EXOSC4: variants seen among roughly 807,000 people sequenced by gnomAD.
EXOSC4 encodes the protein exosome component 4, also known as exosome complex component RRP41.
EXOSC4 carries 14 observed loss-of-function variants against 20.0 expected under a neutral mutation model. The observed-to-expected ratio is 0.70, with a 90% CI of 0.46 to 1.09. EXOSC4 has a LOEUF of 1.09. Among genes scored for constraint, EXOSC4 ranks in the 50% least tolerant of loss-of-function variants. The probability of loss-of-function intolerance (pLI) is 0.00; values close to 1 mark genes in which losing one functional copy is unlikely to be tolerated. For missense variants in EXOSC4, 337 were observed against 334.0 expected, an observed-to-expected ratio of 1.01 and a Z score of -0.07; for synonymous variants, 148 against 146.4, an observed-to-expected ratio of 1.01 and a Z score of -0.08.
At chr8:144,075,580 C>G (rs1835829593), upstream of EXOSC4, among the ~76,000 whole-genome samples, 2 of 152,066 alleles carry the variant, frequency 1.3e-5, no homozygotes, top group Admixed American at 6.6e-5. Flanking sequence ...GCCATGTTGT[C>G]CAAGCTGATC....
chr8:144,078,600 T>G (rs555082641), upstream of EXOSC4: 1,141 of 1,077,090 alleles, frequency 1.1e-3, 4 homozygotes, highest in Non-Finnish European at 5.7e-4. This position sits in a 1 kb window ranked among gnomAD's most constrained non-coding sequence, Gnocchi z 4.7. Context: ...AGAGCTGTAG[T>G]TCCCCGGAAC....
chr8:144,072,180 T>C, the EXOSC4 span, among the ~76,000 whole-genome samples: 1 of 151,938 alleles, frequency 6.6e-6, no homozygotes, highest in African/African-American at 2.4e-5. Flanking sequence ...CAATGCCTTG[T>C]TTTGTTTTGT....
chr8:144,069,420 G>A, the EXOSC4 span, among the ~76,000 whole-genome samples: 1 of 152,352 alleles, frequency 6.6e-6, no homozygotes, highest in Non-Finnish European at 1.5e-5. Context: ...CAGGTGCCCT[G>A]CCTCTTCCAG....
chr8:144,072,354 T>C, the EXOSC4 span, among the ~76,000 whole-genome samples: 2 of 152,166 alleles, frequency 1.3e-5, no homozygotes. Context: ...CTAATTTTTA[T>C]ATTTTTAGTA....
intron 1 of EXOSC4, 130 bp downstream of exon 1, chr8:144,079,029 C>A: frequency 9.3e-7 from 1 of 1,070,644 alleles, no homozygotes; most frequent in Non-Finnish European, 1.2e-6. Flanking sequence ...TGCTCAGCAC[C>A]GCATCTCACT....
At chr8:144,075,375 C>T (rs927764027), upstream of EXOSC4, among the ~76,000 whole-genome samples, 4 of 152,096 alleles carry the variant, frequency 2.6e-5, no homozygotes, top group South Asian at 2.1e-4. Flanking sequence ...TACAGGTGCC[C>T]GCCACCACGC....
At chr8:144,070,272 T>G in the EXOSC4 span, among the ~76,000 whole-genome samples, 1 of 152,156 alleles carries the variant, frequency 6.6e-6, no homozygotes, top group African/African-American at 2.4e-5. Context: ...ACACCTGGAA[T>G]CTCAGCACTT....
At position 144,078,680 on chromosome 8, in the gene EXOSC4, C is replaced by G. The variant is rs1564301679; in HGVS notation, c.-49C>G. On this transcript the variant is annotated 5_prime_UTR_variant, in exon 1 of 3. Transcript: ENST00000316052. The surrounding 1 kb of genome is among the most constrained non-coding windows in gnomAD (Gnocchi z 4.7). ...CGGAGCCGCCGGGAGCTGTAGTTCT[C>G]CCGCGGCTCAGAGAAGTAGGCAGAG... 1 of 1,350,344 alleles carries G rather than the reference C, an allele frequency of 7.4e-7. No individual in the cohort carries two copies. Among genetic ancestry groups the G allele is most frequent in the Non-Finnish European group, 9.6e-7 (1 of 1,044,746 alleles). 83.6% of individuals were successfully genotyped at this position (1,350,344 alleles called of 1,614,324 possible). A position where few individuals can be genotyped will look rare whatever the true frequency, so the allele number is the denominator to read the frequency against.
Position 144,078,697 on chromosome 8 carries a change from T to C in EXOSC4, c.-32T>C, listed in dbSNP as rs541379674. The C allele has an allele frequency of 8.0e-6, 11 of 1,382,824 alleles. No individual in the cohort carries two copies. In the East Asian group the frequency reaches 2.7e-4, roughly 34 times the overall value. The allele number at this position is 1,382,824 out of a possible 1,614,324, so 85.7% of individuals were successfully genotyped here. A position where few individuals can be genotyped will look rare whatever the true frequency, so the allele number is the denominator to read the frequency against. On this transcript the variant is annotated 5_prime_UTR_variant, in exon 1 of 3. Coordinates refer to ENST00000316052, the MANE Select transcript of EXOSC4 (RefSeq NM_019037.3). This position sits in a 1 kb window ranked among gnomAD's most constrained non-coding sequence, Gnocchi z 4.7. ...GTAGTTCTCCCGCGGCTCAGAGAAG[T>C]AGGCAGAGAGCGGACCTGGCGGCCG...
upstream of EXOSC4, among the ~76,000 whole-genome samples, chr8:144,073,961 GCA>G (rs1554762443): frequency 2.0e-5 from 3 of 152,292 alleles, no homozygotes; most frequent in Non-Finnish European, 4.4e-5. Context: ...CGGAATAGTG[GCA>G]CAGTCTGCTG....
At chr8:144,078,659 G>A (rs781833704), upstream of EXOSC4, 500 of 1,339,612 alleles carry the variant, frequency 3.7e-4, no homozygotes, top group Non-Finnish European at 4.5e-4. This position sits in a 1 kb window ranked among gnomAD's most constrained non-coding sequence, Gnocchi z 4.7. Flanking sequence ...GGCGGTCGGA[G>A]CCGCCGGGAG....
chr8:144,078,787 G>A lies in EXOSC4; in HGVS notation c.59G>A (p.Gly20Glu), dbSNP rs782487570. ...TACCGGGTGGACGGGCGGCGCGCCG[G>A]GGAGCTGCGCAAGATCCAGGCGCGG... Reference protein sequence around the residue: ...QGYRVDGRRAGELRKIQARMG... With the variant: ...QGYRVDGRRAEELRKIQARMG... Residue 20 changes from glycine (G) to glutamate (E), a missense_variant, in exon 1 of 3, where the codon GGG (glycine) becomes GAG (glutamate). Gly to Glu is a moderately conservative substitution (Grantham distance 98). Coordinates refer to ENST00000316052, the MANE Select transcript of EXOSC4 (RefSeq NM_019037.3). The surrounding 1 kb of genome is among the most constrained non-coding windows in gnomAD (Gnocchi z 4.7). The A allele has an allele frequency of 1.9e-5, 29 of 1,552,582 alleles. No individual in the cohort carries two copies. Among genetic ancestry groups the A allele is most frequent in the Non-Finnish European group, 2.3e-5 (27 of 1,152,540 alleles).
At chr8:144,079,867 A>C (rs1835878138) in intron 1 of EXOSC4, 76 bp from the exon 2 acceptor site, 2 of 1,397,972 alleles carry the variant, frequency 1.4e-6, no homozygotes, top group Admixed American at 1.7e-5. Context: ...AAGTGGAGGG[A>C]GAGGCAGACC....
chr8:144,079,990 C>T lies in EXOSC4; in HGVS notation c.219C>T (p.Asn73=). 6.2e-7 allele frequency: 1 copy of T among 1,614,088 alleles called. No homozygotes were observed. The highest frequency in any genetic ancestry group is 8.5e-7 in the Non-Finnish European group (1 of 1,180,040). Residue 73 remains asparagine, a synonymous_variant, in exon 2 of 3, where the codon AAC becomes AAT. Coordinates refer to ENST00000316052, the MANE Select transcript of EXOSC4 (RefSeq NM_019037.3). ...ARALPDRALV[N]CQYSSATFST... is the part of the protein sequence containing the mutation. ...CCCTGCCGGACAGGGCCCTAGTGAA[C>T]TGTCAATATAGTTCAGCGACCTTCA...
chr8:144,072,204 G>A, the EXOSC4 span, among the ~76,000 whole-genome samples: 9 of 151,530 alleles, frequency 5.9e-5, no homozygotes, highest in Non-Finnish European at 7.4e-5. Context: ...TTTTTGAGAC[G>A]GAGTCTCGCT....
At position 144,080,323 on chromosome 8, in the gene EXOSC4, A is replaced by G. The variant is rs782809439; in HGVS notation, c.460A>G (p.Arg154Gly). 1.4e-5 allele frequency: 22 copies of G among 1,613,568 alleles called. No individual in the cohort carries two copies. In the African/African-American group the frequency reaches 2.5e-4, roughly 19 times the overall value. Residue 154 changes from arginine (R) to glycine (G), a missense_variant, in exon 3 of 3, where the codon AGA becomes GGA. Arg to Gly is a moderately radical substitution (Grantham distance 125). Transcript: ENST00000316052. The surrounding 1 kb of genome is among the most constrained non-coding windows in gnomAD (Gnocchi z 4.9). ...LAVLDAGIPM[R>G]DFVCACSAGF... ...AGTGCTGGATGCCGGGATACCCATG[A>G]GAGACTTTGTGTGTGCGTGCTCAGC...
chr8:144,071,366 C>A, the EXOSC4 span, among the ~76,000 whole-genome samples: 21 of 146,568 alleles, frequency 1.4e-4, no homozygotes, highest in Non-Finnish European at 2.7e-4. Context: ...CACTCTGTCT[C>A]CCAGGCTGGA....
chr8:144,074,621 G>A (rs1332672349), upstream of EXOSC4, among the ~76,000 whole-genome samples: 2 of 152,108 alleles, frequency 1.3e-5, no homozygotes, highest in Non-Finnish European at 2.9e-5. Flanking sequence ...ATGGGCAGGA[G>A]TACCGTGGCA....
the EXOSC4 span, among the ~76,000 whole-genome samples, chr8:144,066,814 G>A: frequency 1.3e-5 from 2 of 152,116 alleles, no homozygotes; most frequent in Admixed American, 6.5e-5. Context: ...TCGGCCAGGC[G>A]AGGTGGCTCA....
Sources: allele counts gnomAD v4.1 joint callset (sites outside exome capture counted in the v4.1 genomes callset), GRCh38; gene constraint gnomAD v4.1.1; non-coding constraint Gnocchi (gnomAD v3.1); transcripts MANE v1.5; gene names NCBI Gene and HGNC (gene_info 2026-07-23, HGNC 2026-07-21).